The following FREM2 variants were observed in gnomAD, a reference collection of about 807,000 sequenced individuals.
FREM2 encodes FRAS1 related extracellular matrix 2.
In FREM2, 119 loss-of-function variants were observed where a neutral mutation model predicts 219.9. The ratio of observed to expected loss-of-function variants is 0.54; its 90% CI spans 0.47 to 0.63. The LOEUF is 0.63. FREM2 is among the 30% of genes least tolerant of loss of function. FREM2 has a pLI of 0.00. For synonymous variants in FREM2, 1,562 were observed against 1,522.8 expected (o/e 1.03, Z -0.60); for missense variants, 4,030 against 3,993.6 (o/e 1.01, Z -0.25).
chr13:38,792,069 A>T (rs911286782), intron 6 of FREM2, among the ~76,000 whole-genome samples: 4 of 152,224 alleles, frequency 2.6e-5, no homozygotes, highest in African/African-American at 9.6e-5. Context: ...CCTTTAGGCC[A>T]GATGCAGTGG....
chr13:38,877,323 G>C, intron 21 of FREM2, 80 bp downstream of exon 21: 1 of 1,472,352 alleles, frequency 6.8e-7, no homozygotes, highest in Non-Finnish European at 9.5e-7. Flanking sequence ...TTGTGTTTGA[G>C]GGGGCAAATT....
chr13:38,785,660 T>TA (rs1428881703), intron 6 of FREM2, among the ~76,000 whole-genome samples: 2 of 152,208 alleles, frequency 1.3e-5, no homozygotes, highest in Non-Finnish European at 2.9e-5. Context: ...CTTTGATAGT[T>TA]AAATGGCAAA....
intron 6 of FREM2, among the ~76,000 whole-genome samples, chr13:38,795,145 G>A (rs1874719571): frequency 6.6e-6 from 1 of 152,064 alleles, no homozygotes; most frequent in Middle Eastern, 3.4e-3. Flanking sequence ...CTGAAGGGAG[G>A]AAATTGGCAT....
chr13:38,718,112 C>A (rs1300604334), intron 2 of FREM2, among the ~76,000 whole-genome samples: 2 of 152,140 alleles, frequency 1.3e-5, no homozygotes, highest in Non-Finnish European at 2.9e-5. Context: ...TCATCTGAAG[C>A]CTGGCTTTGA....
chr13:38,711,373 T>C (rs2138095323), intron 2 of FREM2, among the ~76,000 whole-genome samples: 1 of 152,260 alleles, frequency 6.6e-6, no homozygotes, highest in Non-Finnish European at 1.5e-5. Flanking sequence ...CATTTTATAC[T>C]AGATTAAAAA....
Position 38,874,586 on chromosome 13 carries a change from G to A in FREM2, c.8281G>A (p.Ala2761Thr), listed in dbSNP as rs752005956. 10 of 1,611,968 alleles carry A rather than the reference G, an allele frequency of 6.2e-6. No individual in the cohort carries two copies. In the East Asian group the frequency reaches 6.7e-5, roughly 11 times the overall value. Residue 2761 changes from alanine to threonine, a missense_variant and splice_region_variant, in exon 18 of 24, where the codon GCA becomes ACA. By Grantham distance (58) the Ala-to-Thr change is moderately conservative. Coordinates refer to ENST00000280481, the MANE Select transcript of FREM2 (RefSeq NM_207361.6). ...TGGCTTATTTGTGCTGTCACATCCC[G>A]GTAAGCCCCGTTATCTTTTAACAAC... Reference protein sequence around the residue: ...FHGLFVLSHPASFTSSVIMSA... With the variant: ...FHGLFVLSHPTSFTSSVIMSA...
chr13:38,691,394 C>T lies in FREM2; in HGVS notation c.4050C>T (p.Gly1350=), dbSNP rs753882674. The change falls in exon 1 of 24, where the codon GGC becomes GGT. Residue 1350 remains glycine, a synonymous_variant. Transcript: ENST00000280481. ...VYIIRYGPGH[G]LLQRRKPTGA... ...TTATTCGTTATGGGCCAGGACATGG[C>T]TTATTACAGAGACGAAAACCTACTG... 1.2e-6 allele frequency: 2 copies of T among 1,614,096 alleles called. No homozygotes were observed. Among genetic ancestry groups the T allele is most frequent in the South Asian group, 2.2e-5 (2 of 91,076 alleles).
intron 2 of FREM2, among the ~76,000 whole-genome samples, chr13:38,762,040 G>A (rs1873246412): frequency 6.6e-6 from 1 of 152,228 alleles, no homozygotes; most frequent in Non-Finnish European, 1.5e-5. Flanking sequence ...TGGGCATGCA[G>A]GGTGGGCTTG....
intron 11 of FREM2, 66 bp downstream of exon 11, chr13:38,851,934 C>T (rs1877387543): frequency 2.1e-6 from 3 of 1,413,938 alleles, no homozygotes; most frequent in African/African-American, 2.8e-5. Flanking sequence ...TGCCAGTGCC[C>T]TTAAGGAAAA....
At chr13:38,711,038 A>G (rs1870749673) in intron 2 of FREM2, among the ~76,000 whole-genome samples, 1 of 152,192 alleles carries the variant, frequency 6.6e-6, no homozygotes, top group African/African-American at 2.4e-5. Flanking sequence ...ATATTTCAGC[A>G]TTTGTAGATG....
intron 10 of FREM2, 148 bp from the exon 11 acceptor site, chr13:38,851,538 A>G (rs1414153897): frequency 4.3e-6 from 3 of 690,902 alleles, no homozygotes; most frequent in Admixed American, 2.3e-5. Context: ...CCTTCCACAC[A>G]CGTCACTAAT....
chr13:38,859,269 G>C lies in FREM2; in HGVS notation c.7216-18G>C. 6.2e-7 allele frequency: 1 copy of C among 1,613,340 alleles called. No individual in the cohort carries two copies. Among genetic ancestry groups the C allele is most frequent in the Non-Finnish European group, 8.5e-7 (1 of 1,179,320 alleles). ...TGTTCTACACTCTGTTCCTAACACA[G>C]TCATTTGTTTTCCGTAGGCTTGCAA... is the stretch of plus-strand genomic sequence containing the variant. On this transcript the variant is annotated intron_variant, in intron 13 of 23. Coordinates refer to ENST00000280481, the MANE Select transcript of FREM2 (RefSeq NM_207361.6).
chr13:38,876,446 T>TAAA (rs67517056), intron 20 of FREM2, 64 bp downstream of exon 20: 59 of 1,111,826 alleles, frequency 5.3e-5, no homozygotes, highest in African/African-American at 1.1e-4. Context: ...CATTTATTAG[T>TAAA]AAAAAAAAAA....
intron 6 of FREM2, among the ~76,000 whole-genome samples, chr13:38,805,140 A>C (rs1875174045): frequency 6.6e-6 from 1 of 152,136 alleles, no homozygotes; most frequent in Admixed American, 6.5e-5. Context: ...AAGCACATTT[A>C]TTTGATAGGA....
intron 1 of FREM2, among the ~76,000 whole-genome samples, chr13:38,696,130 A>G (rs1420270904): frequency 6.6e-6 from 1 of 152,184 alleles, no homozygotes; most frequent in African/African-American, 2.4e-5. Flanking sequence ...CCACATATCT[A>G]TATTTTGTTT....
chr13:38,726,371 C>G (rs1871525397), intron 2 of FREM2, among the ~76,000 whole-genome samples: 1 of 152,132 alleles, frequency 6.6e-6, no homozygotes, highest in African/African-American at 2.4e-5. Context: ...GGATAGTTTG[C>G]CTATGGAAGG....
At chr13:38,717,390 C>T (rs2442362) in intron 2 of FREM2, among the ~76,000 whole-genome samples, 118,308 of 147,398 alleles carry the variant, frequency 0.8, 48,285 homozygotes, top group South Asian at 0.9. Context: ...GGATGCAGTC[C>T]GATTAGAATT....
At position 38,692,422 on chromosome 13, in the gene FREM2, A is replaced by T. The variant is rs1049282176; in HGVS notation, c.5078A>T (p.His1693Leu). 11 of 1,613,798 alleles carry T rather than the reference A, an allele frequency of 6.8e-6. No individual in the cohort carries two copies. Among genetic ancestry groups the T allele is most frequent in the Non-Finnish European group, 9.3e-6 (11 of 1,179,902 alleles). ...AAAGTGGAGGACAGAGACAGCTTAC[A>T]CATTTCTCTTAGATTTATCGTGACA... ...ILKVEDRDSL[H>L]ISLRFIVTEA... The change falls in exon 1 of 24, where the codon CAC (histidine) becomes CTC (leucine). Residue 1693 changes from histidine to leucine, a missense_variant. Transcript: ENST00000280481.
At chr13:38,849,389 A>G (rs115116696) in intron 8 of FREM2, among the ~76,000 whole-genome samples, 4,982 of 152,224 alleles carry the variant, frequency 0.033, 127 homozygotes, top group Middle Eastern at 0.075. Context: ...TCTCCACTTC[A>G]CAGCACAAGA....
Sources: allele counts gnomAD v4.1 joint callset (sites outside exome capture counted in the v4.1 genomes callset), GRCh38; gene constraint gnomAD v4.1.1; transcripts MANE v1.5; gene names NCBI Gene and HGNC (gene_info 2026-07-23, HGNC 2026-07-21).